Variants in ZBTB44 observed in about 807,000 individuals in gnomAD.
ZBTB44 encodes zinc finger and BTB domain-containing protein 44.
ZBTB44 carries 15 observed loss-of-function variants against 54.0 expected under a neutral mutation model. The observed-to-expected ratio is 0.28, with a 90% CI of 0.19 to 0.43. The LOEUF (loss-of-function observed/expected upper bound fraction) is 0.43, where lower values mean the gene tolerates loss of function less well. Among genes scored for constraint, ZBTB44 ranks in the 20% least tolerant of loss-of-function variants. ZBTB44 has a pLI of 1.00. For synonymous variants in ZBTB44, 230 were observed against 250.1 expected, an observed-to-expected ratio of 0.92 and a Z score of 0.76; for missense variants, 487 against 707.1, an observed-to-expected ratio of 0.69 and a Z score of 3.53.
rs1015043324 is a variant in ZBTB44 at position 130,314,444 on chromosome 11, A to AGGCGGCGGC, written c.-135_-127dup. On this transcript the variant is annotated 5_prime_UTR_variant, in exon 1 of 8. Coordinates refer to ENST00000357899, the MANE Select transcript of ZBTB44 (RefSeq NM_001301098.2). ...CTTCTCCCGCCAGGCTGGGGCGGCG[A>AGGCGGCGGC]GGCGGCGGCGGCGGCGGCCCGGGGG... 2.6e-5 allele frequency: 4 copies of AGGCGGCGGC among 151,464 alleles called. No homozygotes were observed. Among genetic ancestry groups the AGGCGGCGGC allele is most frequent in the African/African-American group, 7.5e-5 (3 of 40,240 alleles). The allele number at this position is 151,464 out of a possible 1,614,324, so 9.4% of individuals were successfully genotyped here. A position where few individuals can be genotyped will look rare whatever the true frequency, so the allele number is the denominator to read the frequency against.
intron 1 of ZBTB44, among the ~76,000 whole-genome samples, chr11:130,283,035 C>CTTTTTTTTTT (rs531030883): frequency 2.9e-5 from 3 of 102,384 alleles, no homozygotes; most frequent in African/African-American, 3.9e-5. Flanking sequence ...CCATTCTAAC[C>CTTTTTTTTTT]TTTTTTTTTT....
intron 1 of ZBTB44, among the ~76,000 whole-genome samples, chr11:130,282,069 C>A (rs906079758): frequency 2.0e-5 from 3 of 152,110 alleles, no homozygotes; most frequent in Admixed American, 2.0e-4. Context: ...AAACATAACA[C>A]CCTATTATAA....
At chr11:130,238,787 C>T (rs576199687) in intron 3 of ZBTB44, 180 bp from the exon 4 acceptor site, 5 of 682,590 alleles carry the variant, frequency 7.3e-6, no homozygotes, top group African/African-American at 5.7e-5. Flanking sequence ...GTCCAGAATG[C>T]CTTTTGTTTT....
chr11:130,239,544 G>A (rs1380116609), intron 3 of ZBTB44: 3 of 276,144 alleles, frequency 1.1e-5, no homozygotes, highest in Non-Finnish European at 2.1e-5. Flanking sequence ...GTGGTAGGCT[G>A]GAATTGGCCT....
rs1451065321 is a variant in ZBTB44, at chr11:130,314,842, G to C, written c.-524C>G. 0.019 allele frequency among the ~76,000 whole-genome samples: 3 copies of C among 156 alleles called. No homozygotes were observed. The highest frequency in any genetic ancestry group is 0.021 in the Non-Finnish European group (1 of 48). The allele number at this position is 156 out of a possible 152,430, so 0.1% of individuals were successfully genotyped here. On this transcript the variant is annotated 5_prime_UTR_variant, in exon 1 of 8. Coordinates refer to ENST00000357899, the MANE Select transcript of ZBTB44 (RefSeq NM_001301098.2). Reference sequence around the variant, plus strand: ...TTGGGAGGGAGCCGCCGCCGCGCGCGTGCGGCCGGCGCCGCCGCCGTTGCC... The same window carrying C: ...TTGGGAGGGAGCCGCCGCCGCGCGCCTGCGGCCGGCGCCGCCGCCGTTGCC...
At chr11:130,270,673 T>C (rs1397592335) in intron 1 of ZBTB44, among the ~76,000 whole-genome samples, 1 of 152,128 alleles carries the variant, frequency 6.6e-6, no homozygotes, top group East Asian at 1.9e-4. Flanking sequence ...ATATTTAGAA[T>C]GGAAAACCAC....
At chr11:130,236,697 G>C (rs917656529) in intron 5 of ZBTB44, 96 bp downstream of exon 5, 3 of 1,230,004 alleles carry the variant, frequency 2.4e-6, no homozygotes, top group Non-Finnish European at 2.1e-6. Flanking sequence ...TGACTAGCTG[G>C]CAACCTGATG....
At chr11:130,279,573 C>T (rs1213849853) in intron 1 of ZBTB44, among the ~76,000 whole-genome samples, 3 of 152,110 alleles carry the variant, frequency 2.0e-5, no homozygotes, top group East Asian at 1.9e-4. Context: ...GCAGGAGAAT[C>T]GCTCGAGTCC....
intron 5 of ZBTB44, 48 bp downstream of exon 5, chr11:130,236,741 AAGAG>A (rs1241941675): frequency 1.5e-6 from 2 of 1,332,236 alleles, no homozygotes; most frequent in Non-Finnish European, 1.9e-6. Flanking sequence ...AAAGCAGGAA[AAGAG>A]AGTTTAGAAA....
intron 1 of ZBTB44, among the ~76,000 whole-genome samples, chr11:130,289,372 A>T (rs1941166274): frequency 6.6e-6 from 1 of 151,576 alleles, no homozygotes; most frequent in Non-Finnish European, 1.5e-5. Context: ...AATCCCAGCT[A>T]CTCAAGAGGC....
At chr11:130,311,556 A>G (rs1018966018) in intron 1 of ZBTB44, among the ~76,000 whole-genome samples, 4 of 152,178 alleles carry the variant, frequency 2.6e-5, no homozygotes, top group African/African-American at 9.7e-5. Flanking sequence ...AAGACAAGAG[A>G]CAAATATAGA....
chr11:130,267,585 T>G (rs1380961416), intron 1 of ZBTB44, among the ~76,000 whole-genome samples: 1 of 151,968 alleles, frequency 6.6e-6, no homozygotes, highest in Non-Finnish European at 1.5e-5. Context: ...TTAAATTTTT[T>G]TATTTCTTTA....
chr11:130,262,005 C>G lies in ZBTB44; in HGVS notation c.-56-76G>C, dbSNP rs1938894576. On this transcript the variant is annotated intron_variant, in intron 1 of 7. Transcript: ENST00000357899. Reference sequence around the variant, plus strand: ...TGTGATTTAGATCATTTTCATGTGGCCACTGTACTAAATTAAAAAGCTGAA... The same window carrying G: ...TGTGATTTAGATCATTTTCATGTGGGCACTGTACTAAATTAAAAAGCTGAA... 7.4e-6 allele frequency: 8 copies of G among 1,083,892 alleles called. No homozygotes were observed. In the Admixed American group the frequency reaches 2.4e-4, roughly 32 times the overall value. 67.1% of individuals were successfully genotyped at this position (1,083,892 alleles called of 1,614,324 possible).
rs1179522957 is a variant in ZBTB44 at position 130,243,996 on chromosome 11, A to G, written c.1019-4100T>C. Reference sequence around the variant, plus strand: ...CAACTTTTACACACTCTGAGCTTTCAGTTTCATTTCTCCTGCTCTTTGAGT... The same window carrying G: ...CAACTTTTACACACTCTGAGCTTTCGGTTTCATTTCTCCTGCTCTTTGAGT... On this transcript the variant is annotated intron_variant, in intron 2 of 7. Coordinates refer to ENST00000357899, the MANE Select transcript of ZBTB44 (RefSeq NM_001301098.2). Among the ~76,000 whole-genome samples, 3 of 152,098 alleles carry G rather than the reference A, an allele frequency of 2.0e-5. No individual in the cohort carries two copies. In the East Asian group the frequency reaches 5.8e-4, roughly 29 times the overall value.
At chr11:130,236,667 G>GA in intron 5 of ZBTB44, 126 bp downstream of exon 5, 1 of 999,576 alleles carries the variant, frequency 1.0e-6, no homozygotes, top group Non-Finnish European at 1.3e-6. Context: ...TGAACAGTGG[G>GA]AATCCGTAAC....
chr11:130,276,242 A>AAAAAAAAAAAAAAAAAT, intron 1 of ZBTB44, among the ~76,000 whole-genome samples: 1 of 94,456 alleles, frequency 1.1e-5, no homozygotes, highest in South Asian at 3.9e-4. Flanking sequence ...CAAAAAAAAA[A>AAAAAAAAAAAAAAAAAT]AAAAGAAAAA....
intron 1 of ZBTB44, among the ~76,000 whole-genome samples, chr11:130,268,031 T>C (rs1413493782): frequency 4.8e-5 from 7 of 146,854 alleles, no homozygotes; most frequent in African/African-American, 1.5e-4. Flanking sequence ...GATCATGCCA[T>C]GCACTCCAGA....
intron 1 of ZBTB44, among the ~76,000 whole-genome samples, chr11:130,294,411 TA>T (rs557610154): frequency 0.015 from 2,219 of 150,928 alleles, 24 homozygotes; most frequent in Non-Finnish European, 0.023. Flanking sequence ...GACTCTGTCT[TA>T]AAAAAATAAA....
chr11:130,298,957 C>T (rs1291228975), intron 1 of ZBTB44, among the ~76,000 whole-genome samples: 1 of 152,008 alleles, frequency 6.6e-6, no homozygotes, highest in Non-Finnish European at 1.5e-5. Flanking sequence ...GTGGCATGCA[C>T]CTATAGTGCC....
Sources: allele counts gnomAD v4.1 joint callset (sites outside exome capture counted in the v4.1 genomes callset), GRCh38; gene constraint gnomAD v4.1.1; transcripts MANE v1.5; gene names NCBI Gene and HGNC (gene_info 2026-07-23, HGNC 2026-07-21).